MCPH1: variants seen among roughly 807,000 people sequenced by gnomAD.
The protein encoded by MCPH1 is microcephalin.
MCPH1 carries 104 observed loss-of-function variants against 84.5 expected under a neutral mutation model. The ratio of observed to expected loss-of-function variants is 1.23; its 90% CI spans 1.05 to 1.45. The LOEUF is 1.45. MCPH1 is among the 40% of genes most tolerant of loss of function. The pLI is 0.00. For synonymous variants in MCPH1, 514 were observed against 366.8 expected (o/e 1.40, Z -4.58); for missense variants, 1,498 against 1,005.7 (o/e 1.49, Z -6.62).
intron 12 of MCPH1, among the ~76,000 whole-genome samples, chr8:6,573,630 A>T (rs371498085): frequency 2.1e-5 from 3 of 143,504 alleles, no homozygotes; most frequent in South Asian, 4.3e-4. Flanking sequence ...GCCTACTTCA[A>T]GGCCTGAGTG....
At chr8:6,473,866 C>G (rs752760796) in intron 9 of MCPH1, 25 of 1,488,048 alleles carry the variant, frequency 1.7e-5, no homozygotes, top group Non-Finnish European at 2.2e-5. Context: ...CTTTGATCCA[C>G]TGCTCAATCC....
chr8:6,556,879 G>C (rs1824709247), intron 12 of MCPH1, among the ~76,000 whole-genome samples: 1 of 152,114 alleles, frequency 6.6e-6, no homozygotes, highest in Non-Finnish European at 1.5e-5. Context: ...GTGAGGCACT[G>C]TGCCTGGCTT....
intron 12 of MCPH1, among the ~76,000 whole-genome samples, chr8:6,553,568 A>G (rs1357939896): frequency 6.6e-6 from 1 of 152,224 alleles, no homozygotes; most frequent in African/African-American, 2.4e-5. Flanking sequence ...CCTTTATTCA[A>G]ACAACGGGAG....
chr8:6,573,281 G>C (rs144641220), intron 12 of MCPH1, among the ~76,000 whole-genome samples: 17 of 152,236 alleles, frequency 1.1e-4, no homozygotes, highest in Admixed American at 5.9e-4. Flanking sequence ...TAGAGGCAGA[G>C]AGACCAGAGC....
chr8:6,626,490 T>C, intron 13 of MCPH1: 1 of 984,004 alleles, frequency 1.0e-6, no homozygotes, highest in Non-Finnish European at 1.2e-6. Context: ...TTTTTTTTTT[T>C]TGCGTTTTGA....
chr8:6,461,325 CTTTTTTT>C (rs11419705), intron 9 of MCPH1, among the ~76,000 whole-genome samples: 2 of 111,000 alleles, frequency 1.8e-5, no homozygotes, highest in African/African-American at 7.4e-5. Context: ...TTTGTTGAGA[CTTTTTTT>C]TTTTTTTTTT....
rs991272388 is a variant in MCPH1 at position 6,622,089 on chromosome 8, C to A, written c.2452+398C>A. 3 of 341,826 alleles carry A rather than the reference C, an allele frequency of 8.8e-6. No individual in the cohort carries two copies. The East Asian group carries it at 2.4e-4, about 28-fold the overall frequency. The allele number at this position is 341,826 out of a possible 1,614,324, so 21.2% of individuals were successfully genotyped here. On this transcript the variant is annotated intron_variant, in intron 13 of 13. Coordinates refer to ENST00000344683, the MANE Select transcript of MCPH1 (RefSeq NM_024596.5). ...GCAGCGCCCGGCACTGGGGCCCAAGCCCCCGTCCCTGTCATCTCCTCTCCC... is the reference window on the plus strand; with the variant it reads ...GCAGCGCCCGGCACTGGGGCCCAAGACCCCGTCCCTGTCATCTCCTCTCCC...
At chr8:6,642,309 A>T (rs1797986177) in intron 13 of MCPH1, among the ~76,000 whole-genome samples, 1 of 151,986 alleles carries the variant, frequency 6.6e-6, no homozygotes, top group Non-Finnish European at 1.5e-5. Context: ...GCTTGCCAGG[A>T]CTGAGGAAAG....
chr8:6,578,931 G>A (rs112911435), intron 12 of MCPH1, among the ~76,000 whole-genome samples: 388 of 152,300 alleles, frequency 2.5e-3, no homozygotes, highest in African/African-American at 9.0e-3. Flanking sequence ...CAGAGTTCAT[G>A]TTTTTCGTTC....
intron 12 of MCPH1, among the ~76,000 whole-genome samples, chr8:6,514,063 T>C (rs55715804): frequency 1.3e-5 from 2 of 152,148 alleles, no homozygotes; most frequent in Admixed American, 1.3e-4. Context: ...ATTAGGATAA[T>C]GAGAACTACT....
intron 9 of MCPH1, among the ~76,000 whole-genome samples, chr8:6,475,211 C>T (rs1449120339): frequency 6.6e-6 from 1 of 152,230 alleles, no homozygotes; most frequent in African/African-American, 2.4e-5. Context: ...ACTGGGCTTC[C>T]AGTACCAGTG....
At chr8:6,600,787 C>T (rs1451769659) in intron 12 of MCPH1, among the ~76,000 whole-genome samples, 7 of 152,290 alleles carry the variant, frequency 4.6e-5, no homozygotes, top group South Asian at 4.1e-4. Flanking sequence ...CACAGGCCAT[C>T]GTTGGGGGCA....
At chr8:6,608,223 A>G (rs1310579778) in intron 12 of MCPH1, among the ~76,000 whole-genome samples, 1 of 152,232 alleles carries the variant, frequency 6.6e-6, no homozygotes, top group Non-Finnish European at 1.5e-5. Context: ...AAACAATGCC[A>G]GGCCTCACCT....
intron 12 of MCPH1, among the ~76,000 whole-genome samples, chr8:6,559,326 A>G (rs2515505): frequency 0.96 from 146,403 of 152,146 alleles, 70,618 homozygotes; most frequent in Non-Finnish European, 1. Context: ...CTCACCATCC[A>G]TTTCTCCCAG....
chr8:6,515,658 A>C (rs889580800), intron 12 of MCPH1, among the ~76,000 whole-genome samples: 3 of 152,246 alleles, frequency 2.0e-5, no homozygotes, highest in African/African-American at 7.2e-5. Context: ...TAAATAATAA[A>C]GATTACAGTA....
chr8:6,514,834 T>C (rs1049815878), intron 12 of MCPH1: 12 of 1,443,928 alleles, frequency 8.3e-6, no homozygotes, highest in Non-Finnish European at 8.7e-6. Flanking sequence ...CCCCCTTACG[T>C]AGCAGAAGCA....
chr8:6,531,439 C>T (rs1819495392), intron 12 of MCPH1, among the ~76,000 whole-genome samples: 1 of 152,036 alleles, frequency 6.6e-6, no homozygotes, highest in South Asian at 2.1e-4. Context: ...CAGATGCCCG[C>T]CACCACACCT....
At chr8:6,640,572 A>G (rs908014731) in intron 13 of MCPH1, among the ~76,000 whole-genome samples, 1 of 152,204 alleles carries the variant, frequency 6.6e-6, no homozygotes, top group Non-Finnish European at 1.5e-5. Context: ...TTTTACAGCA[A>G]TGTTTACATA....
chr8:6,540,027 C>T lies in MCPH1; in HGVS notation c.2214+40098C>T, dbSNP rs181418496. On this transcript the variant is annotated intron_variant, in intron 12 of 13. Coordinates refer to ENST00000344683, the MANE Select transcript of MCPH1 (RefSeq NM_024596.5). ...TGTATTAGGAAATAAGTTTGTGGGCCTCAGCTGGTGGCATTCTAACATTAA... is the reference window on the plus strand; with the variant it reads ...TGTATTAGGAAATAAGTTTGTGGGCTTCAGCTGGTGGCATTCTAACATTAA... Among the ~76,000 whole-genome samples, 759 of 152,240 alleles carry T rather than the reference C, an allele frequency of 5.0e-3. 3 individuals carry two copies. Among genetic ancestry groups the T allele is most frequent in the Non-Finnish European group, 7.6e-3 (519 of 68,032 alleles).
Sources: allele counts gnomAD v4.1 joint callset (sites outside exome capture counted in the v4.1 genomes callset), GRCh38; gene constraint gnomAD v4.1.1; transcripts MANE v1.5; gene names NCBI Gene and HGNC (gene_info 2026-07-23, HGNC 2026-07-21).